Variants in NPRL2 observed in about 807,000 individuals in gnomAD.
NPRL2 encodes the protein NPR2 like, GATOR1 complex subunit.
In NPRL2, 21 loss-of-function variants were observed where a neutral mutation model predicts 51.1. That is an observed-to-expected ratio of 0.41 (90% CI 0.29 to 0.59). NPRL2 has a LOEUF of 0.59. Among genes scored for constraint, NPRL2 ranks in the 20% least tolerant of loss-of-function variants. The pLI is 0.29. For synonymous variants in NPRL2, 175 were observed against 187.8 expected, an observed-to-expected ratio of 0.93 and a Z score of 0.56; for missense variants, 376 against 483.4, an observed-to-expected ratio of 0.78 and a Z score of 2.08.
rs747516168 is a variant in NPRL2 at position 50,348,090 on chromosome 3, A to G, written c.932+34T>C. On this transcript the variant is annotated intron_variant, in intron 9 of 10. Coordinates refer to ENST00000232501, the MANE Select transcript of NPRL2 (RefSeq NM_006545.5). The surrounding 1 kb of genome is among the most constrained non-coding windows in gnomAD (Gnocchi z 5.8). The stretch of plus-strand genomic sequence containing the variant: ...ATAAAGGGTCTAGCTTCCCTCAGGT[A>G]ACTCCCAAATGCCCCAGCAAATTCT... The G allele has an allele frequency of 1.2e-6, 2 of 1,609,542 alleles. No homozygotes were observed. The highest frequency in any genetic ancestry group is 1.7e-5 in the Admixed American group (1 of 60,006).
At position 50,347,977 on chromosome 3, in the gene NPRL2, C is replaced by G. The variant is rs1280024391; in HGVS notation, c.933-76G>C. On this transcript the variant is annotated intron_variant, in intron 9 of 10. Transcript: ENST00000232501. ...AGGCAGGCCAACCCTTTCCTGTAGT[C>G]TCCCTTCAATTTTGTCTCTGTAGCC... 2.5e-6 allele frequency: 4 copies of G among 1,603,574 alleles called. No homozygotes were observed. The African/African-American group carries it at 5.4e-5, about 21-fold the overall frequency.
chr3:50,349,580 TC>T lies in NPRL2; in HGVS notation c.339+84del, dbSNP rs1366357762. The T allele has an allele frequency of 6.2e-6, 10 of 1,609,134 alleles. No homozygotes were observed. The highest frequency in any genetic ancestry group is 8.5e-6 in the Non-Finnish European group (10 of 1,176,328). On this transcript the variant is annotated intron_variant, in intron 3 of 10. Transcript: ENST00000232501. The surrounding 1 kb of genome is among the most constrained non-coding windows in gnomAD (Gnocchi z 4.6). ...CTGAGTCCTGAGCTGGTTTGCAGGGTCCCAGGTTTGGGGGACTTTGGAGACA... is the reference window on the plus strand; with the variant it reads ...CTGAGTCCTGAGCTGGTTTGCAGGGTCCAGGTTTGGGGGACTTTGGAGACA...
chr3:50,348,381 C>A lies in NPRL2; in HGVS notation c.750G>T (p.Lys250Asn), dbSNP rs587659176. ...ACTTGTCATCTACCAGGTCCTGGAC[C>A]TTGGGCGTTGGGCAGTATACATTGG... ...QYSNVYCPTPKVQDLVDDKSL... is the reference protein window; with the variant it reads ...QYSNVYCPTPNVQDLVDDKSL... Residue 250 changes from lysine (K) to asparagine (N), a missense_variant, in exon 8 of 11, where the codon AAG (lysine) becomes AAT (asparagine). By Grantham distance (94) the Lys-to-Asn change is moderately conservative (BLOSUM62 0). Coordinates refer to ENST00000232501, the MANE Select transcript of NPRL2 (RefSeq NM_006545.5). The surrounding 1 kb of genome is among the most constrained non-coding windows in gnomAD (Gnocchi z 5.8). 2 of 1,613,780 alleles carry A rather than the reference C, an allele frequency of 1.2e-6. No individual in the cohort carries two copies. The highest frequency in any genetic ancestry group is 1.1e-5 in the South Asian group (1 of 91,088).
chr3:50,348,488 A>T lies in NPRL2; in HGVS notation c.720+39T>A, dbSNP rs193060864. 1.1e-5 allele frequency: 17 copies of T among 1,613,988 alleles called. No homozygotes were observed. In the East Asian group the frequency reaches 3.8e-4, roughly 36 times the overall value. On this transcript the variant is annotated intron_variant, in intron 7 of 10. Transcript: ENST00000232501. This position sits in a 1 kb window ranked among gnomAD's most constrained non-coding sequence, Gnocchi z 5.8. ...CACAGCCCTGGTCTGGTCCAGCCACATGATCCACTCTCCACTTAACCAAAC... is the reference window on the plus strand; with the variant it reads ...CACAGCCCTGGTCTGGTCCAGCCACTTGATCCACTCTCCACTTAACCAAAC...
rs774253805 is a variant in NPRL2 at position 50,349,412 on chromosome 3, G to C, written c.422C>G (p.Ala141Gly). ...AATGGGCAGAGTGCACCGGCCTGAG[G>C]CATTTAGCTCCTCCAGCAAGATGGT... is the stretch of plus-strand genomic sequence containing the variant. ...IMTILLEELN[A>G]SGRCTLPIDE... The change falls in exon 4 of 11, where the codon GCC (alanine) becomes GGC (glycine). Residue 141 changes from alanine (A) to glycine (G), a missense_variant. Coordinates refer to ENST00000232501, the MANE Select transcript of NPRL2 (RefSeq NM_006545.5). The surrounding 1 kb of genome is among the most constrained non-coding windows in gnomAD (Gnocchi z 4.6). 1.9e-6 allele frequency: 3 copies of C among 1,613,642 alleles called. No individual in the cohort carries two copies. Among genetic ancestry groups the C allele is most frequent in the Non-Finnish European group, 2.5e-6 (3 of 1,179,980 alleles).
Position 50,350,418 on chromosome 3 carries a change from G to A in NPRL2, c.78+157C>T. The A allele has an allele frequency of 1.3e-6, 1 of 741,844 alleles. No homozygotes were observed. Among genetic ancestry groups the A allele is most frequent in the Non-Finnish European group, 2.2e-6 (1 of 459,822 alleles). 46.0% of individuals were successfully genotyped at this position (741,844 alleles called of 1,614,324 possible). On this transcript the variant is annotated intron_variant, in intron 1 of 10. Coordinates refer to ENST00000232501, the MANE Select transcript of NPRL2 (RefSeq NM_006545.5). The surrounding 1 kb of genome is among the most constrained non-coding windows in gnomAD (Gnocchi z 5.7). ...GTATGTCTTCCCTGCCACATTGGGA[G>A]CCGGGGGCCTGGGTCTGACTATCCT...
rs2073500 is a variant in NPRL2, at chr3:50,350,079, A to C, written c.79-57T>G. On this transcript the variant is annotated intron_variant, in intron 1 of 10. Transcript: ENST00000232501. The surrounding 1 kb of genome is among the most constrained non-coding windows in gnomAD (Gnocchi z 5.7). Reference sequence around the variant, plus strand: ...TGGACATCTGTACTGGGTGTAGTACAAATGGTGACCTCCTCATGCCCCCCA... The same window carrying C: ...TGGACATCTGTACTGGGTGTAGTACCAATGGTGACCTCCTCATGCCCCCCA... 53,090 of 1,457,422 alleles carry C rather than the reference A, an allele frequency of 0.036. 11,225 individuals carry two copies. The East Asian group carries it at 0.54, about 15-fold the overall frequency. 90.3% of individuals were successfully genotyped at this position (1,457,422 alleles called of 1,614,324 possible).
Position 50,350,535 on chromosome 3 carries a change from C to T in NPRL2, c.78+40G>A. 1.3e-6 allele frequency: 2 copies of T among 1,568,644 alleles called. No homozygotes were observed. The highest frequency in any genetic ancestry group is 1.7e-6 in the Non-Finnish European group (2 of 1,154,456). On this transcript the variant is annotated intron_variant, in intron 1 of 10. Transcript: ENST00000232501. This position sits in a 1 kb window ranked among gnomAD's most constrained non-coding sequence, Gnocchi z 5.7. ...AGGCAGCCAGTTGAGCTCTCGAGAACGTCCCTCTTCCCGCCCAGTCCCGCG... is the reference window on the plus strand; with the variant it reads ...AGGCAGCCAGTTGAGCTCTCGAGAATGTCCCTCTTCCCGCCCAGTCCCGCG...
intron 9 of NPRL2, 64 bp from the exon 10 acceptor site, chr3:50,347,965 C>A: frequency 6.2e-7 from 1 of 1,608,280 alleles, no homozygotes. Context: ...CAGGCCAACC[C>A]TTTCCTGTAG....
chr3:50,348,163 A>G lies in NPRL2; in HGVS notation c.893T>C (p.Ile298Thr). 3 of 1,614,038 alleles carry G rather than the reference A, an allele frequency of 1.9e-6. No individual in the cohort carries two copies. Among genetic ancestry groups the G allele is most frequent in the Non-Finnish European group, 1.7e-6 (2 of 1,180,030 alleles). ...LSPGTTVRDL[I>T]GRHPQQLQHV... ...CTGCAGCTGCTGGGGGTGGCGGCCAATGAGGTCTCGCACGGTAGTGCCAGG... is the reference window on the plus strand; with the variant it reads ...CTGCAGCTGCTGGGGGTGGCGGCCAGTGAGGTCTCGCACGGTAGTGCCAGG... Residue 298 changes from isoleucine (I) to threonine (T), a missense_variant, in exon 9 of 11, where the codon ATT becomes ACT. Transcript: ENST00000232501. This position sits in a 1 kb window ranked among gnomAD's most constrained non-coding sequence, Gnocchi z 5.8.
rs999644398 is a variant in NPRL2, at chr3:50,350,310, C to T, written c.78+265G>A. ...ACTCAGTTCAGGGATACTCATGGGT[C>T]ACCCAACTCACCTTCTGTGGGACCT... On this transcript the variant is annotated intron_variant, in intron 1 of 10. Coordinates refer to ENST00000232501, the MANE Select transcript of NPRL2 (RefSeq NM_006545.5). This position sits in a 1 kb window ranked among gnomAD's most constrained non-coding sequence, Gnocchi z 5.7. 37 of 599,912 alleles carry T rather than the reference C, an allele frequency of 6.2e-5. No individual in the cohort carries two copies. The Middle Eastern group carries it at 1.3e-3, about 21-fold the overall frequency. The allele number at this position is 599,912 out of a possible 1,614,324, so 37.2% of individuals were successfully genotyped here. A position where few individuals can be genotyped will look rare whatever the true frequency, so the allele number is the denominator to read the frequency against.
rs765831465 is a variant in NPRL2 at position 50,348,690 on chromosome 3, G to A, written c.678C>T (p.Asn226=). ...ELNLVRIAIQ[N]LLYYGVVTLV... is the part of the protein sequence containing the mutation. ...ATGACTGTAGGCCCACTCACAGCAG[G>A]TTCTGGATAGCAATGCGCACCAGGT... Residue 226 remains asparagine (N), a synonymous_variant, in exon 6 of 11, where the codon AAC becomes AAT. Coordinates refer to ENST00000232501, the MANE Select transcript of NPRL2 (RefSeq NM_006545.5). This position sits in a 1 kb window ranked among gnomAD's most constrained non-coding sequence, Gnocchi z 5.8. 3 of 1,614,040 alleles carry A rather than the reference G, an allele frequency of 1.9e-6. No homozygotes were observed. Among genetic ancestry groups the A allele is most frequent in the South Asian group, 1.1e-5 (1 of 91,080 alleles).
chr3:50,347,430 G>T lies in NPRL2; in HGVS notation c.*176C>A. 1.5e-6 allele frequency: 1 copy of T among 664,972 alleles called. No homozygotes were observed. Among genetic ancestry groups the T allele is most frequent in the Non-Finnish European group, 2.5e-6 (1 of 392,480 alleles). 41.2% of individuals were successfully genotyped at this position (664,972 alleles called of 1,614,324 possible). ...ATGGCGATCTAGCCCACGGCTCGTG[G>T]CTATTTCATTCACTGCTGGGTCTCC... On this transcript the variant is annotated 3_prime_UTR_variant, in exon 11 of 11. Transcript: ENST00000232501.
Position 50,349,087 on chromosome 3 carries a change from T to A in NPRL2, c.449-77A>T. The A allele has an allele frequency of 6.5e-7, 1 of 1,541,076 alleles. No individual in the cohort carries two copies. Among genetic ancestry groups the A allele is most frequent in the Non-Finnish European group, 8.8e-7 (1 of 1,138,100 alleles). On this transcript the variant is annotated intron_variant, in intron 4 of 10. Transcript: ENST00000232501. The surrounding 1 kb of genome is among the most constrained non-coding windows in gnomAD (Gnocchi z 4.6). ...CAATTACCATCCAGGCCTCCCAGCATCCCTTGGGGCAAGCAGGTGCCTCTG... is the reference window on the plus strand; with the variant it reads ...CAATTACCATCCAGGCCTCCCAGCAACCCTTGGGGCAAGCAGGTGCCTCTG...
In NPRL2 at chr3:50,348,644, G is replaced by A. The variant is rs748100857; in HGVS notation, c.683+41C>T. On this transcript the variant is annotated intron_variant, in intron 6 of 10. Coordinates refer to ENST00000232501, the MANE Select transcript of NPRL2 (RefSeq NM_006545.5). This position sits in a 1 kb window ranked among gnomAD's most constrained non-coding sequence, Gnocchi z 5.8. ...CCCAGGGCCCCTGAGGTCTTCCCTGGCTGGTGACCTTGTCCCAGGTATGAC... is the reference window on the plus strand; with the variant it reads ...CCCAGGGCCCCTGAGGTCTTCCCTGACTGGTGACCTTGTCCCAGGTATGAC... 3 of 1,613,710 alleles carry A rather than the reference G, an allele frequency of 1.9e-6. No homozygotes were observed. In the African/African-American group the frequency reaches 4.0e-5, roughly 22 times the overall value.
chr3:50,350,056 G>A lies in NPRL2; in HGVS notation c.79-34C>T, dbSNP rs955411424. ...GGGAGTGGCAATGGGCCCCTCAGTG[G>A]ACATCTGTACTGGGTGTAGTACAAA... On this transcript the variant is annotated intron_variant, in intron 1 of 10. Coordinates refer to ENST00000232501, the MANE Select transcript of NPRL2 (RefSeq NM_006545.5). This position sits in a 1 kb window ranked among gnomAD's most constrained non-coding sequence, Gnocchi z 5.7. 6.4e-7 allele frequency: 1 copy of A among 1,564,856 alleles called. No individual in the cohort carries two copies. The highest frequency in any genetic ancestry group is 1.4e-5 in the African/African-American group (1 of 73,848).
In NPRL2 at chr3:50,348,527, C is replaced by A; in HGVS notation, c.720G>T (p.Gln240His). 6.2e-7 allele frequency: 1 copy of A among 1,614,122 alleles called. No individual in the cohort carries two copies. Among genetic ancestry groups the A allele is most frequent in the Non-Finnish European group, 8.5e-7 (1 of 1,180,026 alleles). ...ACTTAACCAAACCCAACTCACCTAC[C>A]TGGAGGATGGACACCAGTGTCACAA... ...YGVVTLVSIL[Q>H]YSNVYCPTPK... Residue 240 changes from glutamine (Q) to histidine (H), a missense_variant and splice_region_variant, in exon 7 of 11, where the codon CAG becomes CAT. Gln to His is a conservative substitution (Grantham distance 24, BLOSUM62 0). Transcript: ENST00000232501. This position sits in a 1 kb window ranked among gnomAD's most constrained non-coding sequence, Gnocchi z 5.8.
Position 50,349,886 on chromosome 3 carries a change from G to C in NPRL2, c.170+45C>G, listed in dbSNP as rs774240884. 4.3e-6 allele frequency: 7 copies of C among 1,613,244 alleles called. No homozygotes were observed. The highest frequency in any genetic ancestry group is 5.9e-6 in the Non-Finnish European group (7 of 1,179,704). On this transcript the variant is annotated intron_variant, in intron 2 of 10. Transcript: ENST00000232501. This position sits in a 1 kb window ranked among gnomAD's most constrained non-coding sequence, Gnocchi z 4.6. ...CCAAGCCTGTCCCTTCCTCCTCCTGGGACAACCCCTGCCACCCACCGCTCA... is the reference window on the plus strand; with the variant it reads ...CCAAGCCTGTCCCTTCCTCCTCCTGCGACAACCCCTGCCACCCACCGCTCA...
In NPRL2 at chr3:50,349,179, C is replaced by A; in HGVS notation, c.449-169G>T. 2.2e-6 allele frequency: 2 copies of A among 925,114 alleles called. No individual in the cohort carries two copies. Among genetic ancestry groups the A allele is most frequent in the Admixed American group, 2.7e-5 (1 of 36,836 alleles). The allele number at this position is 925,114 out of a possible 1,614,324, so 57.3% of individuals were successfully genotyped here. ...GGCCCACAAAGGGGAAGGAATTGCCCAAGGGGCAGAGCTGGAGAGCTCTGC... is the reference window on the plus strand; with the variant it reads ...GGCCCACAAAGGGGAAGGAATTGCCAAAGGGGCAGAGCTGGAGAGCTCTGC... On this transcript the variant is annotated intron_variant, in intron 4 of 10. Transcript: ENST00000232501. This position sits in a 1 kb window ranked among gnomAD's most constrained non-coding sequence, Gnocchi z 4.6.
Sources: allele counts gnomAD v4.1 joint callset, GRCh38; gene constraint gnomAD v4.1.1; non-coding constraint Gnocchi (gnomAD v3.1); transcripts MANE v1.5; gene names NCBI Gene and HGNC (gene_info 2026-07-23, HGNC 2026-07-21).